TMEM132D: variants seen among roughly 807,000 people sequenced by gnomAD.
TMEM132D encodes the protein mature OL transmembrane protein.
Under a neutral mutation model 62.3 loss-of-function variants are expected in TMEM132D, and 21 were observed. That is an observed-to-expected ratio of 0.34 (90% CI 0.24 to 0.49). TMEM132D has a LOEUF of 0.49. TMEM132D is among the 20% of genes least tolerant of loss of function. The probability of loss-of-function intolerance (pLI) is 0.99; values close to 1 mark genes in which losing one functional copy is unlikely to be tolerated. For missense variants in TMEM132D, 1,346 were observed against 1,402.8 expected, an observed-to-expected ratio of 0.96 and a Z score of 0.65; for synonymous variants, 621 against 575.6, an observed-to-expected ratio of 1.08 and a Z score of -1.13.
At chr12:129,457,641 T>C (rs1171503523) in intron 3 of TMEM132D, among the ~76,000 whole-genome samples, 1 of 152,084 alleles carries the variant, frequency 6.6e-6, no homozygotes, top group East Asian at 1.9e-4. Context: ...CCACAGGCCA[T>C]ATGTGAAGCA....
chr12:129,144,442 G>A (rs1876832499), intron 5 of TMEM132D, among the ~76,000 whole-genome samples: 1 of 152,158 alleles, frequency 6.6e-6, no homozygotes, highest in African/African-American at 2.4e-5. Flanking sequence ...GAATCTAGGT[G>A]CCATGTGTTG....
At position 129,371,620 on chromosome 12, in the gene TMEM132D, A is replaced by ATGGTGGTGATGGTGATGG. The variant is rs1462639424; in HGVS notation, c.1116-33821_1116-33804dup. Among the ~76,000 whole-genome samples the ATGGTGGTGATGGTGATGG allele has an allele frequency of 6.6e-6, 1 of 151,620 alleles. No homozygotes were observed. The highest frequency in any genetic ancestry group is 1.5e-5 in the Non-Finnish European group (1 of 67,916). On this transcript the variant is annotated intron_variant, in intron 3 of 8. Coordinates refer to ENST00000422113, the MANE Select transcript of TMEM132D (RefSeq NM_133448.3). The surrounding 1 kb of genome is among the most constrained non-coding windows in gnomAD (Gnocchi z 4.3). Reference sequence around the variant, plus strand: ...ATCATGGCAGATTGTGGTGATGATGATGGTGGTGATGGTGATGGTGGTGGT... The same window carrying ATGGTGGTGATGGTGATGG: ...ATCATGGCAGATTGTGGTGATGATGATGGTGGTGATGGTGATGGTGGTGGTGATGGTGATGGTGGTGGT...
intron 1 of TMEM132D, among the ~76,000 whole-genome samples, chr12:129,713,955 G>C (rs562186953): frequency 6.6e-6 from 1 of 152,338 alleles, no homozygotes; most frequent in East Asian, 1.9e-4. Context: ...CGAAACTGTT[G>C]AGAGAACATA....
At chr12:129,209,762 C>T (rs189437544) in intron 4 of TMEM132D, 99 bp from the exon 5 acceptor site, 2 of 1,511,114 alleles carry the variant, frequency 1.3e-6, no homozygotes, top group Admixed American at 1.8e-5. Context: ...CTGCAAACAG[C>T]ACTGGCCTCT....
chr12:129,895,003 T>A (rs1464833058), intron 1 of TMEM132D, among the ~76,000 whole-genome samples: 1 of 152,178 alleles, frequency 6.6e-6, no homozygotes, highest in East Asian at 1.9e-4. Context: ...GTGTAGCTGC[T>A]CTTCTGAGGT....
intron 3 of TMEM132D, among the ~76,000 whole-genome samples, chr12:129,390,268 A>G (rs554577050): frequency 6.6e-6 from 1 of 152,144 alleles, no homozygotes; most frequent in South Asian, 2.1e-4. Flanking sequence ...CCACCCTTCC[A>G]TTTACAGATC....
At chr12:129,221,732 A>G (rs558613147) in intron 4 of TMEM132D, among the ~76,000 whole-genome samples, 72 of 152,290 alleles carry the variant, frequency 4.7e-4, no homozygotes, top group Non-Finnish European at 8.5e-4. Context: ...TAATCAGTAG[A>G]ATAACAACCA....
chr12:129,348,582 A>C (rs774303898), intron 3 of TMEM132D, among the ~76,000 whole-genome samples: 2 of 152,090 alleles, frequency 1.3e-5, no homozygotes, highest in Non-Finnish European at 2.9e-5. Context: ...AAGGGAGAGC[A>C]TGAGGACAAA....
chr12:129,236,316 AC>A (rs1232506524), intron 4 of TMEM132D, among the ~76,000 whole-genome samples: 3 of 151,956 alleles, frequency 2.0e-5, no homozygotes, highest in African/African-American at 7.2e-5. Flanking sequence ...GGAGTTCAAG[AC>A]CAGCCTGGCC....
intron 3 of TMEM132D, among the ~76,000 whole-genome samples, chr12:129,507,848 A>G (rs1379200637): frequency 6.6e-6 from 1 of 152,180 alleles, no homozygotes; most frequent in Non-Finnish European, 1.5e-5. Context: ...GTTCCCCAAT[A>G]ACCTATGGAA....
chr12:129,491,419 T>C (rs774808947), intron 3 of TMEM132D, among the ~76,000 whole-genome samples: 17 of 152,140 alleles, frequency 1.1e-4, no homozygotes, highest in Non-Finnish European at 2.1e-4. Flanking sequence ...ACCCTTGCGG[T>C]AGAGGTGGCC....
intron 4 of TMEM132D, 54 bp downstream of exon 4, chr12:129,337,569 TGCGGCGCCGGC>T (rs1869331833): frequency 6.3e-7 from 1 of 1,594,124 alleles, no homozygotes; most frequent in Non-Finnish European, 8.6e-7. Flanking sequence ...TGGGACTCAG[TGCGGCGCCGGC>T]GCCTTCCCCT....
At chr12:129,842,929 TATTA>T (rs1449956797) in intron 1 of TMEM132D, among the ~76,000 whole-genome samples, 1 of 152,208 alleles carries the variant, frequency 6.6e-6, no homozygotes, top group African/African-American at 2.4e-5. Context: ...TTTCCACTTA[TATTA>T]GTTATGTAAA....
intron 1 of TMEM132D, among the ~76,000 whole-genome samples, chr12:129,800,862 C>T (rs1476104391): frequency 3.9e-5 from 6 of 152,138 alleles, no homozygotes; most frequent in African/African-American, 9.7e-5. Flanking sequence ...GTGCGCGCAC[C>T]GTGCACCAGC....
intron 4 of TMEM132D, among the ~76,000 whole-genome samples, chr12:129,282,084 T>G (rs940313974): frequency 2.6e-5 from 4 of 151,934 alleles, no homozygotes; most frequent in Admixed American, 2.6e-4. Flanking sequence ...AGAAACCTCA[T>G]CCCAGCCTCC....
chr12:129,785,442 T>C (rs1215681961), intron 1 of TMEM132D, among the ~76,000 whole-genome samples: 2 of 152,234 alleles, frequency 1.3e-5, no homozygotes. Flanking sequence ...AGGATTAAGA[T>C]ACCCTGAGGA....
intron 4 of TMEM132D, among the ~76,000 whole-genome samples, chr12:129,242,624 T>G (rs534063139): frequency 6.6e-6 from 1 of 152,296 alleles, no homozygotes; most frequent in African/African-American, 2.4e-5. Flanking sequence ...GCTTTTCAAT[T>G]TATTATTTAT....
chr12:129,269,758 C>G (rs1167434517), intron 4 of TMEM132D, among the ~76,000 whole-genome samples: 2 of 152,170 alleles, frequency 1.3e-5, no homozygotes. Flanking sequence ...GCATCCTGGT[C>G]TCTCGTGTCT....
chr12:129,770,245 G>A (rs1382632852), intron 1 of TMEM132D, among the ~76,000 whole-genome samples: 5 of 143,492 alleles, frequency 3.5e-5, no homozygotes, highest in Non-Finnish European at 7.5e-5. Flanking sequence ...CTGGGTTCAA[G>A]CGATTGTCCT....
Sources: allele counts gnomAD v4.1 joint callset (sites outside exome capture counted in the v4.1 genomes callset), GRCh38; gene constraint gnomAD v4.1.1; non-coding constraint Gnocchi (gnomAD v3.1); transcripts MANE v1.5; gene names NCBI Gene and HGNC (gene_info 2026-07-23, HGNC 2026-07-21).